Variants in RAB15 observed in about 807,000 individuals in gnomAD.
RAB15 encodes RAB15, member RAS oncogene family.
In RAB15, 13 loss-of-function variants were observed where a neutral mutation model predicts 31.8. That is an observed-to-expected ratio of 0.41 (90% CI 0.27 to 0.65). RAB15 has a LOEUF of 0.65. RAB15 is among the 30% of genes least tolerant of loss of function. The pLI, the probability that RAB15 is intolerant of heterozygous loss-of-function variation, is 0.32. For missense variants in RAB15, 220 were observed against 277.3 expected (o/e 0.79, Z 1.47); for synonymous variants, 100 against 105.6 (o/e 0.95, Z 0.33).
intron 1 of RAB15, among the ~76,000 whole-genome samples, chr14:64,959,882 T>C (rs917451806): frequency 7.2e-6 from 1 of 138,396 alleles, no homozygotes; most frequent in African/African-American, 2.7e-5. Context: ...AGCAATTCCA[T>C]GAGGGGGATC....
intron 1 of RAB15, among the ~76,000 whole-genome samples, chr14:64,957,103 A>ATC (rs1886619026): frequency 6.9e-6 from 1 of 144,852 alleles, no homozygotes; most frequent in East Asian, 2.0e-4. Flanking sequence ...TGCCCAGCTA[A>ATC]TTTTTTTTTT....
rs1209083575 is a variant in RAB15, at chr14:64,958,232, T to G, written c.125-5661A>C. 1 of 152,222 alleles carries G rather than the reference T, an allele frequency of 6.6e-6. No homozygotes were observed. Among genetic ancestry groups the G allele is most frequent in the African/African-American group, 2.4e-5 (1 of 41,420 alleles). The allele number at this position is 152,222 out of a possible 1,614,324, so 9.4% of individuals were successfully genotyped here. A position where few individuals can be genotyped will look rare whatever the true frequency, so the allele number is the denominator to read the frequency against. On this transcript the variant is annotated intron_variant, in intron 1 of 6. Coordinates refer to ENST00000533601, the MANE Select transcript of RAB15 (RefSeq NM_001308154.2). The surrounding 1 kb of genome is among the most constrained non-coding windows in gnomAD (Gnocchi z 4.4). ...CTGAAGGTCTGTGTTCCTCCAAAAT[T>G]CCCATATTGAAACTTAATCCCCAGT...
In RAB15 at chr14:64,951,050, C is replaced by T. The variant is rs200905960; in HGVS notation, c.324+24G>A. The T allele has an allele frequency of 9.5e-5, 154 of 1,613,270 alleles. 2 individuals carry two copies. Among genetic ancestry groups the T allele is most frequent in the East Asian group, 6.7e-5 (3 of 44,896 alleles). On this transcript the variant is annotated intron_variant, in intron 4 of 6. Coordinates refer to ENST00000533601, the MANE Select transcript of RAB15 (RefSeq NM_001308154.2). This position sits in a 1 kb window ranked among gnomAD's most constrained non-coding sequence, Gnocchi z 7.2. ...CCGGTGAGGCACCCTCTCCACACCC[C>T]GGCAGTGAGGTGGCATCTCCTACCT...
intron 1 of RAB15, among the ~76,000 whole-genome samples, chr14:64,964,784 C>T (rs1190533502): frequency 1.3e-5 from 2 of 151,920 alleles, no homozygotes; most frequent in Admixed American, 6.5e-5. Context: ...ACTATGTTGG[C>T]CGGGCTGGTC....
At chr14:64,963,691 GC>G (rs1886976645) in intron 1 of RAB15, among the ~76,000 whole-genome samples, 1 of 152,210 alleles carries the variant, frequency 6.6e-6, no homozygotes, top group Non-Finnish European at 1.5e-5. Flanking sequence ...CAATCTCCTG[GC>G]AAGGGGCTTC....
rs1239464849 is a variant in RAB15, at chr14:64,947,294, TG to T, written c.*1059del. 1 of 152,736 alleles carries T rather than the reference TG, an allele frequency of 6.5e-6. No individual in the cohort carries two copies. Among genetic ancestry groups the T allele is most frequent in the Non-Finnish European group, 1.5e-5 (1 of 68,144 alleles). The allele number at this position is 152,736 out of a possible 1,614,324, so 9.5% of individuals were successfully genotyped here. On this transcript the variant is annotated 3_prime_UTR_variant, in exon 7 of 7. Coordinates refer to ENST00000533601, the MANE Select transcript of RAB15 (RefSeq NM_001308154.2). This position sits in a 1 kb window ranked among gnomAD's most constrained non-coding sequence, Gnocchi z 5.6. Reference sequence around the variant, plus strand: ...CTGCTGTCCCTGGCCAGCTCTCCCTTGCTCTTAACCTGATACATAGGAGCTA... The same window carrying T: ...CTGCTGTCCCTGGCCAGCTCTCCCTTCTCTTAACCTGATACATAGGAGCTA...
chr14:64,969,970 G>A (rs918496961), intron 1 of RAB15, among the ~76,000 whole-genome samples: 1 of 152,272 alleles, frequency 6.6e-6, no homozygotes, highest in East Asian at 1.9e-4. Flanking sequence ...CCCTCAAAAA[G>A]GAGGGTATGT....
chr14:64,947,582 G>A lies in RAB15; in HGVS notation c.*772C>T. 6.5e-6 allele frequency: 1 copy of A among 152,880 alleles called. No homozygotes were observed. The highest frequency in any genetic ancestry group is 1.5e-5 in the Non-Finnish European group (1 of 68,136). The allele number at this position is 152,880 out of a possible 1,614,324, so 9.5% of individuals were successfully genotyped here. ...CTCAGTTCCCCAAAGAGGCAGGCGG[G>A]CAGCCAAGCAAGGGCAAAGCTCTGG... On this transcript the variant is annotated 3_prime_UTR_variant, in exon 7 of 7. Coordinates refer to ENST00000533601, the MANE Select transcript of RAB15 (RefSeq NM_001308154.2). This position sits in a 1 kb window ranked among gnomAD's most constrained non-coding sequence, Gnocchi z 5.6.
In RAB15 at chr14:64,952,480, T is replaced by C. The variant is rs144121185; in HGVS notation, c.185+31A>G. 1,038 of 1,572,992 alleles carry C rather than the reference T, an allele frequency of 6.6e-4. 6 individuals carry two copies. In the African/African-American group the frequency reaches 0.013, roughly 19 times the overall value. On this transcript the variant is annotated intron_variant, in intron 2 of 6. Transcript: ENST00000533601. This position sits in a 1 kb window ranked among gnomAD's most constrained non-coding sequence, Gnocchi z 4.2. The stretch of plus-strand genomic sequence containing the variant: ...GGAGCAGCCAGAAGTCCTCTTCTCC[T>C]ACATCTGCCTCCTCCTCCTCCCCAG...
At chr14:64,956,562 G>A (rs528470531) in intron 1 of RAB15, among the ~76,000 whole-genome samples, 7 of 152,276 alleles carry the variant, frequency 4.6e-5, no homozygotes, top group Middle Eastern at 3.4e-3. Flanking sequence ...TCACACATGC[G>A]TAAGTTTGAG....
chr14:64,953,765 T>C lies in RAB15; in HGVS notation c.125-1194A>G. The stretch of plus-strand genomic sequence containing the variant: ...TATGCCCAGGGATTCAAGAGCTACG[T>C]CTGGTGGGTTAATTAAGCTTACGTC... On this transcript the variant is annotated intron_variant, in intron 1 of 6. Coordinates refer to ENST00000533601, the MANE Select transcript of RAB15 (RefSeq NM_001308154.2). This position sits in a 1 kb window ranked among gnomAD's most constrained non-coding sequence, Gnocchi z 4.6. 1.0e-6 allele frequency: 1 copy of C among 984,338 alleles called. No individual in the cohort carries two copies. Among genetic ancestry groups the C allele is most frequent in the Non-Finnish European group, 1.2e-6 (1 of 828,972 alleles). The allele number at this position is 984,338 out of a possible 1,614,324, so 61.0% of individuals were successfully genotyped here.
chr14:64,954,397 T>G lies in RAB15; in HGVS notation c.125-1826A>C, dbSNP rs1886427819. ...CATTCTTGTTTCATGATACAGCACCTTCTTCCAAGAAGAACGAGAAATTTT... is the reference window on the plus strand; with the variant it reads ...CATTCTTGTTTCATGATACAGCACCGTCTTCCAAGAAGAACGAGAAATTTT... On this transcript the variant is annotated intron_variant, in intron 1 of 6. Coordinates refer to ENST00000533601, the MANE Select transcript of RAB15 (RefSeq NM_001308154.2). This position sits in a 1 kb window ranked among gnomAD's most constrained non-coding sequence, Gnocchi z 4.3. 1 of 985,298 alleles carries G rather than the reference T, an allele frequency of 1.0e-6. No homozygotes were observed. Among genetic ancestry groups the G allele is most frequent in the Admixed American group, 6.1e-5 (1 of 16,264 alleles). The allele number at this position is 985,298 out of a possible 1,614,324, so 61.0% of individuals were successfully genotyped here.
In RAB15 at chr14:64,948,576, GC is replaced by G. The variant is rs1327663075; in HGVS notation, c.481-65del. ...CCTCTCCCCTGGCAACCCTGCAGCG[GC>G]CTGAGGGATAAGGTCCATCTTATGG... is the stretch of plus-strand genomic sequence containing the variant. On this transcript the variant is annotated intron_variant, in intron 6 of 6. Transcript: ENST00000533601. This position sits in a 1 kb window ranked among gnomAD's most constrained non-coding sequence, Gnocchi z 7.0. 2.5e-6 allele frequency: 4 copies of G among 1,605,252 alleles called. No homozygotes were observed. The highest frequency in any genetic ancestry group is 3.4e-6 in the Non-Finnish European group (4 of 1,174,546).
intron 1 of RAB15, among the ~76,000 whole-genome samples, chr14:64,965,224 G>A (rs1427387148): frequency 6.6e-6 from 1 of 152,054 alleles, no homozygotes; most frequent in Non-Finnish European, 1.5e-5. Flanking sequence ...TTGGGAGGCC[G>A]AGGTGGGTGG....
rs1342052285 is a variant in RAB15, at chr14:64,970,656, C to G, written c.124+1297G>C. Among the ~76,000 whole-genome samples, 1 of 152,228 alleles carries G rather than the reference C, an allele frequency of 6.6e-6. No homozygotes were observed. The highest frequency in any genetic ancestry group is 1.5e-5 in the Non-Finnish European group (1 of 68,046). On this transcript the variant is annotated intron_variant, in intron 1 of 6. Coordinates refer to ENST00000533601, the MANE Select transcript of RAB15 (RefSeq NM_001308154.2). The surrounding 1 kb of genome is among the most constrained non-coding windows in gnomAD (Gnocchi z 4.1). ...CTGGCTGTGCTAAGCACTTAACAAT[C>G]GTTATCTCATTTAATCTTGACAACA... is the stretch of plus-strand genomic sequence containing the variant.
At chr14:64,961,133 A>C (rs1294168834) in intron 1 of RAB15, among the ~76,000 whole-genome samples, 1 of 152,160 alleles carries the variant, frequency 6.6e-6, no homozygotes, top group Non-Finnish European at 1.5e-5. Flanking sequence ...GGAACAACCT[A>C]ATACACCTGA....
chr14:64,963,553 G>A (rs1372754383), intron 1 of RAB15, among the ~76,000 whole-genome samples: 1 of 152,172 alleles, frequency 6.6e-6, no homozygotes, highest in Non-Finnish European at 1.5e-5. Flanking sequence ...TCCTTCTCAG[G>A]CAGGGCTGTG....
intron 1 of RAB15, among the ~76,000 whole-genome samples, chr14:64,966,943 C>T (rs1887170462): frequency 6.6e-6 from 1 of 152,182 alleles, no homozygotes; most frequent in Non-Finnish European, 1.5e-5. Context: ...TAGAAACCTG[C>T]AAACCCCAGG....
At chr14:64,960,982 C>T (rs1313365648) in intron 1 of RAB15, among the ~76,000 whole-genome samples, 1 of 152,228 alleles carries the variant, frequency 6.6e-6, no homozygotes. Flanking sequence ...GCCAGCTTGC[C>T]TGCCTGCCAG....
Sources: gnomAD v4.1 joint callset for allele counts (sites outside exome capture counted in the v4.1 genomes callset) on GRCh38, gnomAD v4.1.1 for gene constraint, Gnocchi (gnomAD v3.1) non-coding constraint, MANE v1.5 for transcripts, NCBI Gene and HGNC (gene_info 2026-07-23, HGNC 2026-07-21) for gene names.